Variants in ENAH observed in about 807,000 individuals in gnomAD.
The protein encoded by ENAH is protein enabled homolog.
A neutral mutation model predicts 78.7 loss-of-function variants in ENAH; 23 were observed. The observed-to-expected ratio is 0.29, with a 90% CI of 0.21 to 0.41. The LOEUF (loss-of-function observed/expected upper bound fraction) is 0.41, where lower values mean the gene tolerates loss of function less well. Among genes scored for constraint, ENAH ranks in the 10% least tolerant of loss-of-function variants. The pLI is 1.00. For synonymous variants in ENAH, 226 were observed against 241.0 expected, an observed-to-expected ratio of 0.94 and a Z score of 0.58; for missense variants, 544 against 691.0, an observed-to-expected ratio of 0.79 and a Z score of 2.39.
chr1:225,635,616 T>C (rs1159383772), intron 1 of ENAH, among the ~76,000 whole-genome samples: 1 of 152,160 alleles, frequency 6.6e-6, no homozygotes, highest in Non-Finnish European at 1.5e-5. Context: ...AGGCAAGAAG[T>C]TGATGTTGAA....
intron 1 of ENAH, among the ~76,000 whole-genome samples, chr1:225,583,146 G>GA (rs1221234795): frequency 6.6e-6 from 1 of 152,078 alleles, no homozygotes; most frequent in Non-Finnish European, 1.5e-5. Flanking sequence ...GATATTTTAA[G>GA]AAAAAAGAGG....
rs560946360 is a variant in ENAH at position 225,494,890 on chromosome 1, G to A, written c.*2885C>T. On this transcript the variant is annotated 3_prime_UTR_variant, in exon 14 of 14. Coordinates refer to ENST00000366843, the MANE Select transcript of ENAH (RefSeq NM_018212.6). ...AAACTTAAATGAAACAAATTTAAAC[G>A]AAATAGTTACGGTAAAAATAGCAGA... 3.9e-5 allele frequency: 6 copies of A among 152,632 alleles called. No individual in the cohort carries two copies. Among genetic ancestry groups the A allele is most frequent in the East Asian group, 1.9e-4 (1 of 5,186 alleles). 9.5% of individuals were successfully genotyped at this position (152,632 alleles called of 1,614,324 possible).
At chr1:225,545,339 C>T (rs2096608214) in intron 3 of ENAH, among the ~76,000 whole-genome samples, 1 of 152,124 alleles carries the variant, frequency 6.6e-6, no homozygotes, top group Non-Finnish European at 1.5e-5. Flanking sequence ...TAAGTTATGG[C>T]AGTAGTTTTC....
chr1:225,613,452 T>C (rs1270215186), intron 1 of ENAH, among the ~76,000 whole-genome samples: 2 of 152,228 alleles, frequency 1.3e-5, no homozygotes, highest in African/African-American at 4.8e-5. Context: ...TAAATATTTG[T>C]GAAGATAATA....
chr1:225,525,583 C>T lies in ENAH; in HGVS notation c.434+4971G>A, dbSNP rs573243149. Among the ~76,000 whole-genome samples, 574 of 152,264 alleles carry T rather than the reference C, an allele frequency of 3.8e-3. 1 individual carries two copies. Among genetic ancestry groups the T allele is most frequent in the South Asian group, 0.012 (56 of 4,820 alleles). ...CGCCCCCAACCGGATGGGCTATTCC[C>T]TAGGTTTTGCTTTGACCTTAGTCGT... On this transcript the variant is annotated intron_variant, in intron 4 of 13. Transcript: ENST00000366843.
rs2096208426 is a variant in ENAH, at chr1:225,488,314, G to A, written c.*9461C>T. ...CCTAGGAGCACGCACCACCACACCT[G>A]GCTTAAGTAGAAGGTTCTGAAATCT... On this transcript the variant is annotated 3_prime_UTR_variant, in exon 14 of 14. Transcript: ENST00000366843. 6.6e-6 allele frequency: 1 copy of A among 152,092 alleles called. No individual in the cohort carries two copies. Among genetic ancestry groups the A allele is most frequent in the Non-Finnish European group, 1.5e-5 (1 of 68,024 alleles). 9.4% of individuals were successfully genotyped at this position (152,092 alleles called of 1,614,324 possible). A position where few individuals can be genotyped will look rare whatever the true frequency, so the allele number is the denominator to read the frequency against.
In ENAH at chr1:225,641,526, C is replaced by G. The variant is rs76710281; in HGVS notation, c.5+11160G>C. On this transcript the variant is annotated intron_variant, in intron 1 of 13. Transcript: ENST00000366843. The stretch of plus-strand genomic sequence containing the variant: ...AAAAAAACCAATGAGTTGCCGCACA[C>G]TTCACTAAAGATAAAATTTTAAATC... Among the ~76,000 whole-genome samples the G allele has an allele frequency of 5.0e-3, 736 of 147,116 alleles. 10 individuals carry two copies. Among genetic ancestry groups the G allele is most frequent in the African/African-American group, 0.017 (693 of 40,080 alleles).
chr1:225,512,635 T>C (rs752608564), intron 9 of ENAH, 22 bp downstream of exon 9: 47 of 1,605,412 alleles, frequency 2.9e-5, no homozygotes, highest in Non-Finnish European at 3.9e-5. Context: ...TAAGGTATGG[T>C]AGACTATCTT....
intron 1 of ENAH, among the ~76,000 whole-genome samples, chr1:225,652,008 C>G (rs185227271): frequency 6.6e-6 from 1 of 152,290 alleles, no homozygotes; most frequent in Non-Finnish European, 1.5e-5. Flanking sequence ...CAATGCAACA[C>G]AGGCTGCTAC....
At chr1:225,642,644 C>T (rs898857553) in intron 1 of ENAH, among the ~76,000 whole-genome samples, 12 of 151,992 alleles carry the variant, frequency 7.9e-5, no homozygotes, top group African/African-American at 2.9e-4. Flanking sequence ...CACTCCAGCC[C>T]GGGTAACAGC....
At chr1:225,585,247 A>C (rs12759366) in intron 1 of ENAH, among the ~76,000 whole-genome samples, 9 of 109,848 alleles carry the variant, frequency 8.2e-5, no homozygotes, top group Non-Finnish European at 1.6e-4. Context: ...AAAAAAAAAA[A>C]CAGAGAAAGA....
rs929905958 is a variant in ENAH, at chr1:225,652,756, G to A, written c.-66C>T. ...GCAGAAGGCGCCGAGCCGAGGGGGG[G>A]GTCTCTCCTCCAGGGGTGGGGAGCA... On this transcript the variant is annotated 5_prime_UTR_variant, in exon 1 of 14. Coordinates refer to ENST00000366843, the MANE Select transcript of ENAH (RefSeq NM_018212.6). 6 of 1,283,086 alleles carry A rather than the reference G, an allele frequency of 4.7e-6. No homozygotes were observed. Among genetic ancestry groups the A allele is most frequent in the Admixed American group, 4.1e-5 (1 of 24,362 alleles). The allele number at this position is 1,283,086 out of a possible 1,614,324, so 79.5% of individuals were successfully genotyped here. A position where few individuals can be genotyped will look rare whatever the true frequency, so the allele number is the denominator to read the frequency against.
At chr1:225,596,561 G>A (rs924276017) in intron 1 of ENAH, among the ~76,000 whole-genome samples, 2 of 152,150 alleles carry the variant, frequency 1.3e-5, no homozygotes, top group African/African-American at 4.8e-5. Flanking sequence ...CTCTGTTCAA[G>A]TTTAACTATA....
In ENAH at chr1:225,512,693, T is replaced by C; in HGVS notation, c.1386A>G (p.Gly462=). 6.2e-7 allele frequency: 1 copy of C among 1,613,908 alleles called. No homozygotes were observed. ...LARRRRIAEK[G]STIETEQKED... ...CTTTTTGTTCTGTTTCTATTGTTGA[T>C]CCCTTTTCAGCAATTCTTCTCCTAC... Residue 462 remains glycine, a synonymous_variant, in exon 9 of 14, where the codon GGA becomes GGG. Coordinates refer to ENST00000366843, the MANE Select transcript of ENAH (RefSeq NM_018212.6).
At chr1:225,572,782 T>C (rs1270749361) in intron 1 of ENAH, among the ~76,000 whole-genome samples, 1 of 152,362 alleles carries the variant, frequency 6.6e-6, no homozygotes, top group Non-Finnish European at 1.5e-5. Context: ...TGTACTTTTG[T>C]GAAGATCAGG....
chr1:225,524,238 T>C (rs2096489508), intron 4 of ENAH, among the ~76,000 whole-genome samples: 2 of 152,326 alleles, frequency 1.3e-5, no homozygotes, highest in South Asian at 4.1e-4. Context: ...ATATTCATTA[T>C]TTAGTTTATG....
intron 1 of ENAH, among the ~76,000 whole-genome samples, chr1:225,613,470 G>T (rs1428890988): frequency 6.6e-6 from 1 of 152,130 alleles, no homozygotes; most frequent in Non-Finnish European, 1.5e-5. Context: ...ATAAATATTT[G>T]TTGATTAACT....
intron 3 of ENAH, among the ~76,000 whole-genome samples, chr1:225,542,623 T>C (rs2096594990): frequency 6.6e-6 from 1 of 152,252 alleles, no homozygotes. Context: ...TTGTCCACAT[T>C]TACTTTTTGA....
At chr1:225,516,762 T>G (rs1207041583) in intron 6 of ENAH, among the ~76,000 whole-genome samples, 1 of 151,762 alleles carries the variant, frequency 6.6e-6, no homozygotes, top group Non-Finnish European at 1.5e-5. Context: ...TAACTCCTGC[T>G]ACTCAGCTGG....
Sources: gnomAD v4.1 joint callset for allele counts (sites outside exome capture counted in the v4.1 genomes callset) on GRCh38, gnomAD v4.1.1 for gene constraint, MANE v1.5 for transcripts, NCBI Gene and HGNC (gene_info 2026-07-23, HGNC 2026-07-21) for gene names.